The following SEC14L4 variants were observed in gnomAD, a reference collection of about 807,000 sequenced individuals.
The protein encoded by SEC14L4 is SEC14-like protein 4.
A neutral mutation model predicts 55.1 loss-of-function variants in SEC14L4; 42 were observed. The ratio of observed to expected loss-of-function variants is 0.76; its 90% confidence interval spans 0.60 to 0.99. The LOEUF (loss-of-function observed/expected upper bound fraction) is 0.99. SEC14L4 is among the 50% of genes least tolerant of loss of function. The pLI, the probability that SEC14L4 is intolerant of heterozygous loss-of-function variation, is 0.00. For missense variants in SEC14L4, 445 were observed against 512.1 expected, an observed-to-expected ratio of 0.87 and a Z score of 1.27; for synonymous variants, 206 against 206.8, an observed-to-expected ratio of 1.00 and a Z score of 0.03.
At chr22:30,504,895 T>C (rs1192209736) in intron 1 of SEC14L4, among the ~76,000 whole-genome samples, 1 of 151,954 alleles carries the variant, frequency 6.6e-6, no homozygotes, top group African/African-American at 2.4e-5. Context: ...GGCGGATGGA[T>C]CACAAGGTCA....
Position 30,500,159 on chromosome 22 carries a change from C to A in SEC14L4, c.130+3518G>T, listed in dbSNP as rs556440852. Among the ~76,000 whole-genome samples the A allele has an allele frequency of 2.1e-3, 319 of 152,034 alleles. 2 individuals carry two copies. Among genetic ancestry groups the A allele is most frequent in the African/African-American group, 7.5e-3 (309 of 41,460 alleles). ...TGCTGGGATTACAGACATGAGCCAC[C>A]GCGCCCGGCCAACTGGTATTAAAAC... On this transcript the variant is annotated intron_variant, in intron 2 of 11. Coordinates refer to ENST00000255858, the MANE Select transcript of SEC14L4 (RefSeq NM_174977.4).
chr22:30,503,902 T>C (rs1366742667), intron 1 of SEC14L4, 150 bp from the exon 2 acceptor site: 6 of 543,198 alleles, frequency 1.1e-5, no homozygotes, highest in Non-Finnish European at 6.5e-6. Flanking sequence ...CATCTGAAAA[T>C]AGGGCACCCT....
At chr22:30,491,058 A>T (rs1353121915) in intron 11 of SEC14L4, among the ~76,000 whole-genome samples, 1 of 152,214 alleles carries the variant, frequency 6.6e-6, no homozygotes. Flanking sequence ...CTTCTCCTCC[A>T]TAGGAAATCA....
intron 7 of SEC14L4, among the ~76,000 whole-genome samples, chr22:30,493,083 C>CAAAAAA (rs10593638): frequency 5.0e-5 from 4 of 80,396 alleles, no homozygotes; most frequent in African/African-American, 8.5e-5. Context: ...GATTCCATCT[C>CAAAAAA]AAAAAAAAAA....
chr22:30,491,046 C>T (rs1935935419), intron 11 of SEC14L4, among the ~76,000 whole-genome samples: 1 of 152,336 alleles, frequency 6.6e-6, no homozygotes. Context: ...ATAAGCCACA[C>T]CCTTCTCCTC....
chr22:30,502,178 A>G (rs1936351488), intron 2 of SEC14L4, among the ~76,000 whole-genome samples: 1 of 152,088 alleles, frequency 6.6e-6, no homozygotes. Flanking sequence ...AATATTGAAA[A>G]AAAACAAAAA....
At position 30,496,196 on chromosome 22, in the gene SEC14L4, C is replaced by T. The variant is rs1936144963; in HGVS notation, c.131-225G>A. Among the ~76,000 whole-genome samples, 2 of 152,202 alleles carry T rather than the reference C, an allele frequency of 1.3e-5. 1 individual carries two copies. The highest frequency in any genetic ancestry group is 4.1e-4 in the South Asian group (2 of 4,828). ...AGTGCAGTGATGTGATCATAGCTTACTGTGGCCTCTGGCCCAGGTGATCCT... is the reference window on the plus strand; with the variant it reads ...AGTGCAGTGATGTGATCATAGCTTATTGTGGCCTCTGGCCCAGGTGATCCT... On this transcript the variant is annotated intron_variant, in intron 2 of 11. Coordinates refer to ENST00000255858, the MANE Select transcript of SEC14L4 (RefSeq NM_174977.4).
intron 1 of SEC14L4, among the ~76,000 whole-genome samples, chr22:30,504,000 G>A (rs966703753): frequency 1.3e-5 from 2 of 151,798 alleles, no homozygotes; most frequent in African/African-American, 4.8e-5. Flanking sequence ...TGTCTAAGGT[G>A]GGGCCCTGGC....
chr22:30,499,874 G>GTT (rs59479529), intron 2 of SEC14L4, among the ~76,000 whole-genome samples: 2,353 of 143,472 alleles, frequency 0.016, 49 homozygotes, highest in African/African-American at 0.056. Flanking sequence ...GAAATTAACT[G>GTT]TTTTTTTTTT....
Position 30,503,676 on chromosome 22 carries a change from C to G in SEC14L4, c.130+1G>C, listed in dbSNP as rs1381187810. 6.2e-7 allele frequency: 1 copy of G among 1,609,366 alleles called. No individual in the cohort carries two copies. Among genetic ancestry groups the G allele is most frequent in the Admixed American group, 1.7e-5 (1 of 59,934 alleles). On this transcript the variant is annotated splice_donor_variant, in intron 2 of 11. Transcript: ENST00000255858. LOFTEE classifies it high-confidence loss of function. Reference sequence around the variant, plus strand: ...CGTCCCCTGACCCCTGCAAGCCTCACCTCGCAGCCAGCGCAGGAGGAAGTA... The same window carrying G: ...CGTCCCCTGACCCCTGCAAGCCTCAGCTCGCAGCCAGCGCAGGAGGAAGTA...
Position 30,492,586 on chromosome 22 carries a change from C to G in SEC14L4, c.581-29G>C, listed in dbSNP as rs774420751. 25 of 1,580,460 alleles carry G rather than the reference C, an allele frequency of 1.6e-5. No homozygotes were observed. In the East Asian group the frequency reaches 2.7e-4, roughly 17 times the overall value. On this transcript the variant is annotated intron_variant, in intron 7 of 11. Coordinates refer to ENST00000255858, the MANE Select transcript of SEC14L4 (RefSeq NM_174977.4). ...AAACACATGTAAATCTCTTGAGAAG[C>G]TGGACCAGAAAGGACGTGGGGATAC...
At chr22:30,504,067 A>C (rs1936418834) in intron 1 of SEC14L4, among the ~76,000 whole-genome samples, 1 of 149,448 alleles carries the variant, frequency 6.7e-6, no homozygotes, top group South Asian at 2.1e-4. Flanking sequence ...TATTATTATT[A>C]TTATTATTGA....
Position 30,492,507 on chromosome 22 carries a change from C to T in SEC14L4, c.631G>A (p.Glu211Lys), listed in dbSNP as rs17738527. Residue 211 changes from glutamate (E) to lysine (K), a missense_variant, in exon 8 of 12, where the codon GAG (glutamate) becomes AAG (lysine). Glu to Lys is a moderately conservative substitution (Grantham distance 56, BLOSUM62 1). Transcript: ENST00000255858. Reference sequence around the variant, plus strand: ...ATCACAATCTTCCTGCGTGTCTCCTCACTCATGAACGACTTGACCAAGTTG... The same window carrying T: ...ATCACAATCTTCCTGCGTGTCTCCTTACTCATGAACGACTTGACCAAGTTG... The part of the protein sequence containing the change: ...AFNLVKSFMS[E>K]ETRRKIVILG... The T allele has an allele frequency of 0.21, 342,304 of 1,610,256 alleles. 39,035 individuals carry two copies. Among genetic ancestry groups the T allele is most frequent in the Admixed American group, 0.25 (14,890 of 59,932 alleles).
chr22:30,503,628 C>A (rs755050966), intron 2 of SEC14L4, 49 bp downstream of exon 2: 1 of 1,378,796 alleles, frequency 7.3e-7, no homozygotes, highest in Non-Finnish European at 1.0e-6. Flanking sequence ...TCCTGAGACC[C>A]TCCTTCCTTC....
chr22:30,502,192 A>C, intron 2 of SEC14L4, among the ~76,000 whole-genome samples: 1 of 152,114 alleles, frequency 6.6e-6, no homozygotes, highest in East Asian at 1.9e-4. Context: ...ACAAAAAAAC[A>C]AAAACAGACA....
Position 30,505,550 on chromosome 22 carries a change from C to A in SEC14L4, c.54+8G>T, listed in dbSNP as rs1338261387. ...TCCTCAAGCCTCCCAGCCCGCGATG[C>A]TCCTCACCCTGGCCAGCGCTTCCTG... On this transcript the variant is annotated splice_region_variant and intron_variant, in intron 1 of 11. Coordinates refer to ENST00000255858, the MANE Select transcript of SEC14L4 (RefSeq NM_174977.4). 2.6e-6 allele frequency: 4 copies of A among 1,563,802 alleles called. No homozygotes were observed. The East Asian group carries it at 9.5e-5, about 37-fold the overall frequency.
intron 7 of SEC14L4, 98 bp from the exon 8 acceptor site, chr22:30,492,655 T>C: frequency 1.1e-6 from 1 of 907,814 alleles, no homozygotes; most frequent in Non-Finnish European, 1.8e-6. Flanking sequence ...GGTGGACAGA[T>C]ATGGATTCTG....
rs774887890 is a variant in SEC14L4, at chr22:30,491,889, G to A, written c.856C>T (p.Arg286Cys). 1.9e-5 allele frequency: 31 copies of A among 1,613,128 alleles called. 1 individual carries two copies. The highest frequency in any genetic ancestry group is 1.6e-4 in the South Asian group (15 of 90,996). The change falls in exon 10 of 12, where the codon CGC (arginine) becomes TGC (cysteine). Residue 286 changes from arginine (R) to cysteine (C), a missense_variant. Coordinates refer to ENST00000255858, the MANE Select transcript of SEC14L4 (RefSeq NM_174977.4). ...LQYEHTRSVG[R>C]GSSLQVENEI... Reference sequence around the variant, plus strand: ...TTCTCCACCTGCAGGGAGGAGCCGCGGCCCACGGACCTCGTGTGCTCATAC... The same window carrying A: ...TTCTCCACCTGCAGGGAGGAGCCGCAGCCCACGGACCTCGTGTGCTCATAC...
chr22:30,505,484 G>A, intron 1 of SEC14L4, 74 bp downstream of exon 1: 2 of 1,410,776 alleles, frequency 1.4e-6, no homozygotes, highest in Non-Finnish European at 2.0e-6. Context: ...TACCATGGGG[G>A]CTCCAGCCGG....
Sources: gnomAD v4.1 joint callset for allele counts (sites outside exome capture counted in the v4.1 genomes callset) on GRCh38, gnomAD v4.1.1 for gene constraint, MANE v1.5 for transcripts, NCBI Gene and HGNC (gene_info 2026-07-23, HGNC 2026-07-21) for gene names.